The following PTPRM variants were observed in gnomAD, a reference collection of about 807,000 sequenced individuals.
PTPRM encodes receptor-type tyrosine-protein phosphatase mu.
A neutral mutation model predicts 186.7 loss-of-function variants in PTPRM; 47 were observed. That is an observed-to-expected ratio of 0.25 (90% CI 0.20 to 0.32). The LOEUF (loss-of-function observed/expected upper bound fraction) is 0.32. Ranked by LOEUF, PTPRM falls within the 10% of genes least tolerant of loss-of-function variation. PTPRM has a pLI of 1.00. For synonymous variants in PTPRM, 668 were observed against 674.9 expected (o/e 0.99, Z 0.16); for missense variants, 1,494 against 1,865.0 (o/e 0.80, Z 3.66).
intron 7 of PTPRM, among the ~76,000 whole-genome samples, chr18:8,050,698 C>T (rs763311382): frequency 2.0e-4 from 30 of 152,030 alleles, no homozygotes; most frequent in Non-Finnish European, 4.0e-4. Context: ...ACATAAACCT[C>T]GTAGATTTGT....
chr18:7,846,045 C>T (rs1208589178), intron 2 of PTPRM, among the ~76,000 whole-genome samples: 2 of 152,178 alleles, frequency 1.3e-5, no homozygotes, highest in Non-Finnish European at 2.9e-5. Context: ...CCCCAGTGTT[C>T]ATCAGTCATT....
chr18:8,072,139 G>T (rs576495534), intron 8 of PTPRM, among the ~76,000 whole-genome samples: 23 of 152,228 alleles, frequency 1.5e-4, no homozygotes, highest in African/African-American at 4.8e-4. Context: ...TATTGAGTAA[G>T]TAATAAACAC....
intron 1 of PTPRM, among the ~76,000 whole-genome samples, chr18:7,709,087 A>G (rs893962243): frequency 1.8e-4 from 28 of 152,208 alleles, no homozygotes; most frequent in African/African-American, 5.1e-4. Flanking sequence ...CCCTAAATCT[A>G]TTCTGGCTCT....
At chr18:7,989,142 T>G (rs1306093244) in intron 7 of PTPRM, among the ~76,000 whole-genome samples, 1 of 152,190 alleles carries the variant, frequency 6.6e-6, no homozygotes, top group African/African-American at 2.4e-5. Context: ...ACATTTATCC[T>G]AATTACCACT....
rs1430808645 is a variant in PTPRM, at chr18:8,247,995, C to CCTGG, written c.2527+77_2527+80dup. ...ATCACTCCGCCCTCTCTCTGCTATC[C>CCTGG]CTGGTGCTTGAGGGGCTTACTGTGT... On this transcript the variant is annotated intron_variant, in intron 16 of 32. Transcript: ENST00000580170. 3 of 1,404,892 alleles carry CCTGG rather than the reference C, an allele frequency of 2.1e-6. No individual in the cohort carries two copies. The African/African-American group carries it at 4.3e-5, about 20-fold the overall frequency. The allele number at this position is 1,404,892 out of a possible 1,614,324, so 87.0% of individuals were successfully genotyped here.
At chr18:8,190,834 A>G (rs1601115981) in intron 14 of PTPRM, among the ~76,000 whole-genome samples, 1 of 152,246 alleles carries the variant, frequency 6.6e-6, no homozygotes, top group African/African-American at 2.4e-5. Context: ...CAACATTGTC[A>G]TGGCCAATTT....
chr18:8,328,251 T>TC (rs2095390402), intron 22 of PTPRM, among the ~76,000 whole-genome samples: 2 of 152,248 alleles, frequency 1.3e-5, no homozygotes, highest in African/African-American at 2.4e-5. Context: ...GGCAAGCCAT[T>TC]CCGGTAGTGG....
intron 1 of PTPRM, among the ~76,000 whole-genome samples, chr18:7,570,216 C>T (rs777906916): frequency 4.6e-5 from 7 of 152,132 alleles, no homozygotes; most frequent in South Asian, 2.1e-4. Flanking sequence ...CTCCATATTG[C>T]GTTTAGGTAG....
At chr18:7,665,791 G>A (rs2039081589) in intron 1 of PTPRM, among the ~76,000 whole-genome samples, 1 of 152,022 alleles carries the variant, frequency 6.6e-6, no homozygotes, top group South Asian at 2.1e-4. Flanking sequence ...GTGTGGTGGT[G>A]CATGCCTATA....
At chr18:7,764,990 A>G (rs979846930) in intron 1 of PTPRM, among the ~76,000 whole-genome samples, 7 of 152,236 alleles carry the variant, frequency 4.6e-5, no homozygotes, top group African/African-American at 1.7e-4. Flanking sequence ...CAAGTGGTTT[A>G]ATTCAATCCA....
At chr18:7,623,372 A>G (rs2037986166) in intron 1 of PTPRM, among the ~76,000 whole-genome samples, 1 of 152,168 alleles carries the variant, frequency 6.6e-6, no homozygotes. Context: ...TCAAAGTAGC[A>G]CTACTAACAA....
intron 6 of PTPRM, among the ~76,000 whole-genome samples, chr18:7,953,715 A>G (rs2053123887): frequency 6.6e-6 from 1 of 152,170 alleles, no homozygotes; most frequent in Non-Finnish European, 1.5e-5. Flanking sequence ...TAGCTGGTCT[A>G]GGAGTTTACC....
intron 1 of PTPRM, among the ~76,000 whole-genome samples, chr18:7,605,182 A>T: frequency 9.4e-6 from 1 of 106,818 alleles, no homozygotes; most frequent in Non-Finnish European, 1.7e-5. Flanking sequence ...TGATGAGCTT[A>T]AAAAAATCAC....
intron 6 of PTPRM, among the ~76,000 whole-genome samples, chr18:7,953,567 A>G (rs892070905): frequency 6.6e-6 from 1 of 152,218 alleles, no homozygotes; most frequent in Non-Finnish European, 1.5e-5. Context: ...ATTCATTCAC[A>G]GTTTTGTGTC....
chr18:7,634,079 A>G (rs769137822), intron 1 of PTPRM, among the ~76,000 whole-genome samples: 2 of 152,090 alleles, frequency 1.3e-5, no homozygotes, highest in Middle Eastern at 3.4e-3. Context: ...TTCATCTCCT[A>G]CAGCTTCATC....
At chr18:7,588,652 C>G (rs2037044355) in intron 1 of PTPRM, among the ~76,000 whole-genome samples, 1 of 152,118 alleles carries the variant, frequency 6.6e-6, no homozygotes, top group East Asian at 1.9e-4. Context: ...TAAATGCTCA[C>G]AAAAACAAAT....
intron 7 of PTPRM, among the ~76,000 whole-genome samples, chr18:7,966,795 G>A (rs1157538503): frequency 1.8e-4 from 24 of 133,932 alleles, no homozygotes; most frequent in Non-Finnish European, 2.6e-4. Flanking sequence ...CACCTGGCTC[G>A]GAGGGTCCTA....
chr18:8,017,725 C>G (rs2147931964), intron 7 of PTPRM: 1 of 152,122 alleles, frequency 6.6e-6, no homozygotes, highest in Middle Eastern at 3.4e-3. Flanking sequence ...TATCATGAGT[C>G]CACTTTACAA....
chr18:8,240,499 G>GAAAGGA (rs2094405778), intron 14 of PTPRM, among the ~76,000 whole-genome samples: 1 of 13,550 alleles, frequency 7.4e-5, no homozygotes, highest in Non-Finnish European at 1.3e-4. Context: ...GAGAGAGAGA[G>GAAAGGA]AGGAAGGAAG....
Sources: gnomAD v4.1 joint callset for allele counts (sites outside exome capture counted in the v4.1 genomes callset) on GRCh38, gnomAD v4.1.1 for gene constraint, MANE v1.5 for transcripts, NCBI Gene and HGNC (gene_info 2026-07-23, HGNC 2026-07-21) for gene names.